The following BDP1 variants were observed in gnomAD, a reference collection of about 807,000 sequenced individuals.
BDP1 encodes the protein transcription factor TFIIIB component B'' homolog.
Under a neutral mutation model 266.6 loss-of-function variants are expected in BDP1, and 169 were observed. The observed-to-expected ratio is 0.63, with a 90% CI of 0.56 to 0.72. BDP1 has a LOEUF of 0.72. Among genes scored for constraint, BDP1 ranks in the 30% least tolerant of loss-of-function variants. The probability of loss-of-function intolerance (pLI) is 0.00; values close to 1 mark genes in which losing one functional copy is unlikely to be tolerated. For synonymous variants in BDP1, 1,090 were observed against 1,022.4 expected, an observed-to-expected ratio of 1.07 and a Z score of -1.26; for missense variants, 3,015 against 3,053.8, an observed-to-expected ratio of 0.99 and a Z score of 0.30.
chr5:71,477,714 G>A (rs1400666943), intron 7 of BDP1, among the ~76,000 whole-genome samples: 2 of 150,140 alleles, frequency 1.3e-5, no homozygotes, highest in African/African-American at 2.5e-5. Context: ...TCAGCCTCTT[G>A]AGCTCAAGTA....
rs766564127 is a variant in BDP1, at chr5:71,516,073, A to G, written c.4662A>G (p.Val1554=). The G allele has an allele frequency of 3.1e-6, 5 of 1,605,064 alleles. No homozygotes were observed. The highest frequency in any genetic ancestry group is 1.3e-5 in the African/African-American group (1 of 74,530). The change falls in exon 21 of 39, where the codon GTA becomes GTG. Residue 1554 remains valine (V), a synonymous_variant. Coordinates refer to ENST00000358731, the MANE Select transcript of BDP1 (RefSeq NM_018429.3). The part of the protein sequence containing the change: ...DSVVSVGTNN[V]NTFQQEMKES... ...TCCCCTTGTTTAGGACTAATAATGT[A>G]AACACTTTCCAGCAAGAAATGAAGG...
At chr5:71,563,228 A>G (rs1321762104) in intron 38 of BDP1, among the ~76,000 whole-genome samples, 1 of 152,024 alleles carries the variant, frequency 6.6e-6, no homozygotes, top group African/African-American at 2.4e-5. Context: ...GTTCACTGCA[A>G]CCTCCATCCC....
chr5:71,467,544 T>C, intron 6 of BDP1, 57 bp downstream of exon 6: 1 of 1,432,384 alleles, frequency 7.0e-7, no homozygotes, highest in East Asian at 2.3e-5. Flanking sequence ...AATTGACTGT[T>C]TCTGAATTAA....
intron 2 of BDP1, among the ~76,000 whole-genome samples, chr5:71,459,185 G>A (rs899127599): frequency 4.6e-5 from 7 of 152,150 alleles, no homozygotes; most frequent in African/African-American, 1.7e-4. Context: ...ACATAAAGAT[G>A]TCCAAGTGAT....
intron 26 of BDP1, among the ~76,000 whole-genome samples, chr5:71,537,324 G>C (rs1359507285): frequency 6.6e-6 from 1 of 152,006 alleles, no homozygotes; most frequent in Non-Finnish European, 1.5e-5. Flanking sequence ...ATCGCACACT[G>C]TTTTCTGGTT....
chr5:71,527,266 T>G (rs1454721872), intron 25 of BDP1, among the ~76,000 whole-genome samples: 1 of 152,064 alleles, frequency 6.6e-6, no homozygotes, highest in Non-Finnish European at 1.5e-5. Context: ...TCCCCTAGCC[T>G]GGCAAAAAAC....
chr5:71,516,030 G>T, intron 20 of BDP1, 31 bp from the exon 21 acceptor site: 2 of 1,521,956 alleles, frequency 1.3e-6, no homozygotes, highest in Non-Finnish European at 9.0e-7. Context: ...ACAGTCAAGC[G>T]CCCTGCCTTT....
chr5:71,561,088 G>A (rs150067859), intron 37 of BDP1, among the ~76,000 whole-genome samples: 21 of 144,262 alleles, frequency 1.5e-4, no homozygotes, highest in African/African-American at 5.4e-4. Context: ...GGGCAACATA[G>A]CCAGACCCGT....
chr5:71,539,881 TCATGGAATAGTTGTATG>T lies in BDP1; in HGVS notation c.6022+255_6022+271del, dbSNP rs373867959. 0.02 allele frequency among the ~76,000 whole-genome samples: 3,039 copies of T among 152,034 alleles called. 105 individuals are homozygous for T. Among genetic ancestry groups the T allele is most frequent in the African/African-American group, 0.069 (2,879 of 41,438 alleles). On this transcript the variant is annotated intron_variant, in intron 28 of 38. Transcript: ENST00000358731. ...TTGGTTTATTAAGAATAATTTGTAT[TCATGGAATAGTTGTATG>T]CATGGAATAGTTGTATGCATGGTAA...
intron 9 of BDP1, among the ~76,000 whole-genome samples, chr5:71,487,963 TTTC>T (rs1215476167): frequency 6.6e-6 from 1 of 152,214 alleles, no homozygotes; most frequent in African/African-American, 2.4e-5. Flanking sequence ...TAGGCTAGAA[TTTC>T]TTCTTCTGGG....
rs573073692 is a variant in BDP1, at chr5:71,504,212, G to GC, written c.2242-408dup. ...GGCATGAACCTGGGAGGCAGAGCTT[G>GC]CAGTGAGCCGAGATCATACCACTGC... On this transcript the variant is annotated intron_variant, in intron 15 of 38. Transcript: ENST00000358731. Among the ~76,000 whole-genome samples, 913 of 150,134 alleles carry GC rather than the reference G, an allele frequency of 6.1e-3. 9 individuals are homozygous for GC. The highest frequency in any genetic ancestry group is 0.021 in the African/African-American group (862 of 40,760).
rs1307029477 is a variant in BDP1, at chr5:71,489,448, T to G, written c.1258T>G (p.Ser420Ala). 4 of 1,613,784 alleles carry G rather than the reference T, an allele frequency of 2.5e-6. No individual in the cohort carries two copies. Among genetic ancestry groups the G allele is most frequent in the Non-Finnish European group, 1.7e-6 (2 of 1,179,888 alleles). Residue 420 changes from serine (S) to alanine (A), a missense_variant, in exon 10 of 39, where the codon TCT becomes GCT. Transcript: ENST00000358731. ...AGGAGTGAATAATGATCCAGATGAGTCTATGAGTTCTAGAATTTCAGACAC... is the reference window on the plus strand; with the variant it reads ...AGGAGTGAATAATGATCCAGATGAGGCTATGAGTTCTAGAATTTCAGACAC... ...CEGVNNDPDE[S>A]MSSRISDTER...
chr5:71,575,059 T>G, the BDP1 span, among the ~76,000 whole-genome samples: 1 of 152,226 alleles, frequency 6.6e-6, no homozygotes, highest in African/African-American at 2.4e-5. Context: ...TTGGTCCGGA[T>G]GGACAGTCTT....
chr5:71,560,094 T>C lies in BDP1; in HGVS notation c.7353T>C (p.Ser2451=), dbSNP rs1355429240. The stretch of plus-strand genomic sequence containing the variant: ...CTTTTCAGAGTAGAGGATCTAGATC[T>C]CCTGATGCATGCATGGACAAGAATG... ...EAAFQSRGSR[S]PDACMDKNVP... Residue 2451 remains serine, a synonymous_variant, in exon 37 of 39, where the codon TCT becomes TCC. Transcript: ENST00000358731. The C allele has an allele frequency of 6.2e-7, 1 of 1,613,264 alleles. No homozygotes were observed. The highest frequency in any genetic ancestry group is 2.2e-5 in the East Asian group (1 of 44,878).
chr5:71,497,202 G>C (rs899533354), intron 12 of BDP1, 68 bp from the exon 13 acceptor site: 8 of 1,418,266 alleles, frequency 5.6e-6, no homozygotes, highest in Middle Eastern at 1.8e-4. Flanking sequence ...TTCTCAGTAG[G>C]TTATTTTAGA....
chr5:71,515,162 A>C, intron 20 of BDP1, 40 bp downstream of exon 20: 1 of 1,399,956 alleles, frequency 7.1e-7, no homozygotes, highest in Middle Eastern at 1.8e-4. Context: ...AATAAGAGAG[A>C]TACTTCTTTT....
chr5:71,468,045 T>A (rs1020492167), intron 6 of BDP1, among the ~76,000 whole-genome samples: 3 of 151,682 alleles, frequency 2.0e-5, no homozygotes, highest in African/African-American at 7.3e-5. Flanking sequence ...TGAGACGGAG[T>A]TTCCCTCTTG....
At chr5:71,482,011 G>T (rs1226031790) in intron 7 of BDP1, among the ~76,000 whole-genome samples, 9 of 152,054 alleles carry the variant, frequency 5.9e-5, no homozygotes, top group Non-Finnish European at 1.2e-4. Flanking sequence ...AATGTATTTG[G>T]GTATTAATGA....
chr5:71,575,505 T>C, the BDP1 span, among the ~76,000 whole-genome samples: 3 of 152,288 alleles, frequency 2.0e-5, no homozygotes, highest in South Asian at 6.2e-4. Context: ...TCCAAAAAAG[T>C]CCAGAAGTTG....
Sources: allele counts gnomAD v4.1 joint callset (sites outside exome capture counted in the v4.1 genomes callset), GRCh38; gene constraint gnomAD v4.1.1; transcripts MANE v1.5; gene names NCBI Gene and HGNC (gene_info 2026-07-23, HGNC 2026-07-21).